KCNMA1: variants seen among roughly 807,000 people sequenced by gnomAD.
KCNMA1 encodes the protein potassium calcium-activated channel subfamily M alpha 1, also known as Calcium-activated potassium channel subunit alpha-1.
KCNMA1 carries 29 observed loss-of-function variants against 140.0 expected under a neutral mutation model. The ratio of observed to expected loss-of-function variants is 0.21; its 90% CI spans 0.15 to 0.28. The LOEUF (loss-of-function observed/expected upper bound fraction) is 0.28. Ranked by LOEUF, KCNMA1 falls within the 10% of genes least tolerant of loss-of-function variation. KCNMA1 has a pLI of 1.00. For synonymous variants in KCNMA1, 612 were observed against 611.9 expected, an observed-to-expected ratio of 1.00 and a Z score of 0.00; for missense variants, 880 against 1,602.2, an observed-to-expected ratio of 0.55 and a Z score of 7.70.
rs189937657 is a variant in KCNMA1, at chr10:77,200,330, G to T, written c.603-15414C>A. Among the ~76,000 whole-genome samples, 3 of 152,272 alleles carry T rather than the reference G, an allele frequency of 2.0e-5. No homozygotes were observed. The East Asian group carries it at 5.8e-4, about 29-fold the overall frequency. On this transcript the variant is annotated intron_variant, in intron 3 of 27. Coordinates refer to ENST00000286628, the MANE Select transcript of KCNMA1 (RefSeq NM_001161352.2). The stretch of plus-strand genomic sequence containing the variant: ...TAATTCTGGGGACAATATAGAGTAG[G>T]AATTGGAAGCAGAAGGTTGTGAAGA...
chr10:77,440,586 G>C (rs568156923), intron 1 of KCNMA1, among the ~76,000 whole-genome samples: 2 of 152,288 alleles, frequency 1.3e-5, no homozygotes, highest in East Asian at 3.9e-4. Flanking sequence ...TGAGATAATA[G>C]TGGGAAAGAT....
intron 3 of KCNMA1, chr10:77,250,714 C>G (rs560979540): frequency 2.1e-5 from 4 of 187,292 alleles, no homozygotes; most frequent in African/African-American, 9.4e-5. Context: ...GCTGAATACC[C>G]GATTGGCAGG....
intron 2 of KCNMA1, among the ~76,000 whole-genome samples, chr10:77,322,256 T>G (rs1160073897): frequency 6.6e-6 from 1 of 152,216 alleles, no homozygotes; most frequent in Non-Finnish European, 1.5e-5. Flanking sequence ...CTTGGAAGCA[T>G]GGGAGAGTCC....
At chr10:77,382,992 G>GTATATATATATATA (rs1227873900) in intron 2 of KCNMA1, among the ~76,000 whole-genome samples, 4 of 44,480 alleles carry the variant, frequency 9.0e-5, no homozygotes, top group African/African-American at 5.4e-4. Context: ...GTGTGTGTGT[G>GTATATATATATATA]TGTATATATA....
chr10:77,005,766 A>G (rs1224659314), intron 18 of KCNMA1, among the ~76,000 whole-genome samples: 2 of 152,252 alleles, frequency 1.3e-5, no homozygotes, highest in Non-Finnish European at 2.9e-5. Flanking sequence ...ATATTCAACC[A>G]ACATTTCCAT....
chr10:77,242,131 G>T (rs924079612), intron 3 of KCNMA1, among the ~76,000 whole-genome samples: 2 of 152,144 alleles, frequency 1.3e-5, no homozygotes, highest in African/African-American at 4.8e-5. Flanking sequence ...AAAGCACGTC[G>T]CACACTGACC....
Position 77,108,794 on chromosome 10 carries a change from CA to C in KCNMA1, c.1132-223del, listed in dbSNP as rs369216966. Among the ~76,000 whole-genome samples, 3 of 149,844 alleles carry C rather than the reference CA, an allele frequency of 2.0e-5. No homozygotes were observed. The South Asian group carries it at 6.3e-4, about 32-fold the overall frequency. On this transcript the variant is annotated intron_variant, in intron 8 of 27. Transcript: ENST00000286628. This position sits in a 1 kb window ranked among gnomAD's most constrained non-coding sequence, Gnocchi z 4.6. ...ATTGGCCACCTTGACAACTAAAGAACAAAAAAAAATCACAGTCGAGAAAAAT... is the reference window on the plus strand; with the variant it reads ...ATTGGCCACCTTGACAACTAAAGAACAAAAAAAATCACAGTCGAGAAAAAT...
At chr10:76,955,111 A>G (rs1349656214) in intron 20 of KCNMA1, among the ~76,000 whole-genome samples, 1 of 152,152 alleles carries the variant, frequency 6.6e-6, no homozygotes, top group Non-Finnish European at 1.5e-5. Flanking sequence ...GAAAATATAC[A>G]TCGGGTCACA....
At chr10:77,277,022 A>T (rs1377843268) in intron 2 of KCNMA1, among the ~76,000 whole-genome samples, 1 of 151,702 alleles carries the variant, frequency 6.6e-6, no homozygotes, top group Non-Finnish European at 1.5e-5. Context: ...GATTCTTCAA[A>T]CTCCCACACC....
At chr10:77,048,100 T>C (rs1418823573) in intron 14 of KCNMA1, among the ~76,000 whole-genome samples, 1 of 14,770 alleles carries the variant, frequency 6.8e-5, no homozygotes, top group Non-Finnish European at 2.1e-4. Flanking sequence ...CTGGACAACA[T>C]GATGAGACAA....
chr10:77,026,673 G>A (rs949424659), intron 16 of KCNMA1, among the ~76,000 whole-genome samples: 1 of 152,178 alleles, frequency 6.6e-6, no homozygotes, highest in African/African-American at 2.4e-5. Context: ...GTTGATTTGG[G>A]TTTTCAAAAT....
In KCNMA1 at chr10:77,055,098, A is replaced by G. The variant is rs139987842; in HGVS notation, c.1750-15461T>C. On this transcript the variant is annotated intron_variant, in intron 14 of 27. Coordinates refer to ENST00000286628, the MANE Select transcript of KCNMA1 (RefSeq NM_001161352.2). ...AGGGCAAACATAGCATATGGCGGCT[A>G]AAGAGATATCTGAGTTACTGGTTCT... Among the ~76,000 whole-genome samples, 1,276 of 152,310 alleles carry G rather than the reference A, an allele frequency of 8.4e-3. 28 individuals carry two copies. The highest frequency in any genetic ancestry group is 0.052 in the Admixed American group (792 of 15,280).
intron 23 of KCNMA1, among the ~76,000 whole-genome samples, chr10:76,918,227 T>C (rs12146394): frequency 0.066 from 10,037 of 152,314 alleles, 535 homozygotes; most frequent in Admixed American, 0.19. Context: ...CTCCCTTCAT[T>C]AGTTAAACTA....
chr10:77,077,180 G>A (rs1369545843), intron 13 of KCNMA1, among the ~76,000 whole-genome samples: 1 of 152,178 alleles, frequency 6.6e-6, no homozygotes, highest in Non-Finnish European at 1.5e-5. Flanking sequence ...GACAAACAAT[G>A]ATGAGTGGAC....
At chr10:77,217,294 CAA>C (rs549072905) in intron 3 of KCNMA1, among the ~76,000 whole-genome samples, 9 of 112,626 alleles carry the variant, frequency 8.0e-5, no homozygotes, top group Admixed American at 1.9e-4. Flanking sequence ...GACTCTGTCT[CAA>C]AAAAAAAAAA....
intron 2 of KCNMA1, among the ~76,000 whole-genome samples, chr10:77,396,742 C>T (rs533168427): frequency 6.0e-4 from 91 of 152,304 alleles, no homozygotes; most frequent in Non-Finnish European, 1.0e-3. Context: ...TTTCTTCTTA[C>T]ATCGATAAAT....
intron 3 of KCNMA1, among the ~76,000 whole-genome samples, chr10:77,200,686 T>C (rs2042176179): frequency 6.6e-6 from 1 of 151,914 alleles, no homozygotes; most frequent in Non-Finnish European, 1.5e-5. Context: ...CTTTCTGCTA[T>C]TTGGAGAGCA....
At chr10:77,295,737 C>A (rs1474643278) in intron 2 of KCNMA1, among the ~76,000 whole-genome samples, 2 of 132,568 alleles carry the variant, frequency 1.5e-5, no homozygotes, top group South Asian at 2.6e-4. Context: ...GCCGAGATTG[C>A]GCCACTGCAG....
intron 5 of KCNMA1, among the ~76,000 whole-genome samples, chr10:77,122,816 G>C (rs1004108470): frequency 6.6e-6 from 1 of 152,114 alleles, no homozygotes; most frequent in African/African-American, 2.4e-5. Context: ...TTAAAATCAA[G>C]CAATAAAAAT....
Sources: allele counts gnomAD v4.1 joint callset (sites outside exome capture counted in the v4.1 genomes callset), GRCh38; gene constraint gnomAD v4.1.1; non-coding constraint Gnocchi (gnomAD v3.1); transcripts MANE v1.5; gene names NCBI Gene and HGNC (gene_info 2026-07-23, HGNC 2026-07-21).